Variants in ENOX2 observed in about 807,000 individuals in gnomAD.
The protein encoded by ENOX2 is APK1 antigen.
ENOX2 carries 36 observed loss-of-function variants against 45.0 expected under a neutral mutation model. The observed-to-expected ratio is 0.80, with a 90% CI of 0.61 to 1.06. The LOEUF (loss-of-function observed/expected upper bound fraction) is 1.06. Ranked by LOEUF, ENOX2 falls within the 50% of genes least tolerant of loss-of-function variation. The pLI is 0.00. For missense variants in ENOX2, 423 were observed against 462.5 expected (o/e 0.91, Z 0.78); for synonymous variants, 174 against 152.3 (o/e 1.14, Z -1.05).
intron 2 of ENOX2, among the ~76,000 whole-genome samples, chrX:130,790,930 A>G (rs945070930): frequency 1.8e-5 from 2 of 112,194 alleles, no homozygotes; most frequent in African/African-American, 6.5e-5. Flanking sequence ...TTTTACAACA[A>G]GGAATGAGAA....
At position 130,725,657 on chromosome X, in the gene ENOX2, C is replaced by T. The variant is rs145002660; in HGVS notation, c.-38-22403G>A. Among the ~76,000 whole-genome samples the T allele has an allele frequency of 8.8e-3, 972 of 110,122 alleles. 11 individuals carry two copies. The highest frequency in any genetic ancestry group is 0.03 in the African/African-American group (917 of 30,127). The stretch of plus-strand genomic sequence containing the variant: ...ATCTGCTGGGAGACTGACTGAGTTC[C>T]AAGACCTTGGTTCACGTAAGGCTGT... On this transcript the variant is annotated intron_variant, in intron 3 of 14. Coordinates refer to ENST00000394363, the MANE Select transcript of ENOX2 (RefSeq NM_006375.4).
chrX:130,846,307 ATGTGTAT>A (rs1309267337), intron 2 of ENOX2, among the ~76,000 whole-genome samples: 2 of 110,782 alleles, frequency 1.8e-5, no homozygotes, highest in Non-Finnish European at 3.8e-5. Flanking sequence ...AAGAGTGCTT[ATGTGTAT>A]TACAGAAGCA....
intron 3 of ENOX2, among the ~76,000 whole-genome samples, chrX:130,733,867 T>C (rs1414036260): frequency 8.9e-6 from 1 of 112,412 alleles, no homozygotes; most frequent in African/African-American, 3.2e-5. Context: ...GATATTATAC[T>C]ACAGTTTTGT....
chrX:130,776,925 G>A (rs903990988), intron 3 of ENOX2, among the ~76,000 whole-genome samples: 8 of 111,829 alleles, frequency 7.2e-5, no homozygotes, highest in South Asian at 3.8e-4. Context: ...TGAGAACAAA[G>A]TGCCTTCCCC....
In ENOX2 at chrX:130,667,624, G is replaced by A; in HGVS notation, c.813C>T (p.Val271=). The A allele has an allele frequency of 8.3e-7, 1 of 1,211,128 alleles. No homozygotes were observed. Among genetic ancestry groups the A allele is most frequent in the Non-Finnish European group, 1.1e-6 (1 of 894,814 alleles). ...YSMIQSANSH[V]RRLVNEKAAH... The stretch of plus-strand genomic sequence containing the variant: ...CAGCTTTCTCGTTCACCAGGCGGCG[G>A]ACATGGCTGTTGGCCGACTGGATCA... Residue 271 remains valine (V), a synonymous_variant, in exon 8 of 15, where the codon GTC becomes GTT. Transcript: ENST00000394363.
intron 3 of ENOX2, among the ~76,000 whole-genome samples, chrX:130,743,287 A>G (rs1315574194): frequency 8.9e-6 from 1 of 111,764 alleles, no homozygotes; most frequent in African/African-American, 3.3e-5. Context: ...GCCTTTCAGA[A>G]AAGTAGATAT....
At chrX:130,727,598 A>C (rs1196798053) in intron 3 of ENOX2, among the ~76,000 whole-genome samples, 1 of 112,472 alleles carries the variant, frequency 8.9e-6, no homozygotes, top group Non-Finnish European at 1.9e-5. Flanking sequence ...ACAGTCTTCA[A>C]ATGTTTGTCC....
intron 2 of ENOX2, among the ~76,000 whole-genome samples, chrX:130,852,113 CAG>C (rs2078223757): frequency 1.8e-5 from 2 of 111,974 alleles, no homozygotes; most frequent in African/African-American, 3.2e-5. Context: ...AGAAAGAAAA[CAG>C]AAGTTATTTT....
intron 2 of ENOX2, among the ~76,000 whole-genome samples, chrX:130,838,127 C>T (rs1228486275): frequency 8.9e-6 from 1 of 111,948 alleles, no homozygotes; most frequent in African/African-American, 3.2e-5. Context: ...ATGCCTGTAA[C>T]CCCAGCACTT....
At chrX:130,829,453 G>A (rs111924422) in intron 2 of ENOX2, among the ~76,000 whole-genome samples, 1 of 111,422 alleles carries the variant, frequency 9.0e-6, no homozygotes, top group Non-Finnish European at 1.9e-5. Flanking sequence ...ACCAAGGTTC[G>A]TCTGGTTCCA....
chrX:130,723,310 A>G (rs148365541), intron 3 of ENOX2, among the ~76,000 whole-genome samples: 155 of 112,267 alleles, frequency 1.4e-3, no homozygotes, highest in Non-Finnish European at 2.3e-3. Context: ...TCAGTGTTCC[A>G]GTCACTGCAC....
intron 2 of ENOX2, among the ~76,000 whole-genome samples, chrX:130,815,510 T>C (rs2077468240): frequency 1.8e-5 from 2 of 112,085 alleles, no homozygotes; most frequent in African/African-American, 6.5e-5. Flanking sequence ...AAACGTCAGG[T>C]TACCCAAAAA....
chrX:130,784,379 A>C (rs977735883), intron 2 of ENOX2, among the ~76,000 whole-genome samples: 2 of 111,249 alleles, frequency 1.8e-5, no homozygotes, highest in African/African-American at 6.5e-5. Context: ...TACATGGTTC[A>C]ATCAGGGGCA....
chrX:130,685,199 CA>C (rs1474922130), intron 5 of ENOX2, among the ~76,000 whole-genome samples: 1 of 111,112 alleles, frequency 9.0e-6, no homozygotes, highest in Non-Finnish European at 1.9e-5. Context: ...GTTCATGGAA[CA>C]GCATGAAGGT....
rs150825693 is a variant in ENOX2 at position 130,742,638 on chromosome X, A to C, written c.-38-39384T>G. Among the ~76,000 whole-genome samples, 784 of 111,861 alleles carry C rather than the reference A, an allele frequency of 7.0e-3. 2 individuals carry two copies. The highest frequency in any genetic ancestry group is 0.024 in the African/African-American group (726 of 30,780). On this transcript the variant is annotated intron_variant, in intron 3 of 14. Coordinates refer to ENST00000394363, the MANE Select transcript of ENOX2 (RefSeq NM_006375.4). ...AATGGTACCACCCTTTATTGAGTGT[A>C]TTTAAGGCACTACTGTATATAAACT...
At chrX:130,890,625 G>C (rs2078971300) in intron 2 of ENOX2, among the ~76,000 whole-genome samples, 1 of 112,674 alleles carries the variant, frequency 8.9e-6, no homozygotes, top group Non-Finnish European at 1.9e-5. Context: ...AAGCTGATTT[G>C]AACCAGAACA....
Position 130,883,404 on chromosome X carries a change from C to T in ENOX2, c.-183+18280G>A, listed in dbSNP as rs774754638. Among the ~76,000 whole-genome samples the T allele has an allele frequency of 8.1e-5, 9 of 111,632 alleles. No individual in the cohort carries two copies. The South Asian group carries it at 2.7e-3, about 33-fold the overall frequency. On this transcript the variant is annotated intron_variant, in intron 2 of 14. Transcript: ENST00000394363. ...GGGATTACAGGCGTGAGCCACTGTG[C>T]CTGGCCAAATGTTAGCTATTCTTAT...
chrX:130,846,614 G>A (rs1382442964), intron 2 of ENOX2, among the ~76,000 whole-genome samples: 1 of 112,510 alleles, frequency 8.9e-6, no homozygotes, highest in Non-Finnish European at 1.9e-5. Flanking sequence ...TGGGATTACA[G>A]GCATGAGCCA....
At chrX:130,860,676 T>C (rs2078394492) in intron 2 of ENOX2, among the ~76,000 whole-genome samples, 1 of 111,417 alleles carries the variant, frequency 9.0e-6, no homozygotes, top group Non-Finnish European at 1.9e-5. Context: ...ACCACTCCTT[T>C]CCATTGAACA....
Sources: allele counts gnomAD v4.1 joint callset (sites outside exome capture counted in the v4.1 genomes callset), GRCh38; gene constraint gnomAD v4.1.1; transcripts MANE v1.5; gene names NCBI Gene and HGNC (gene_info 2026-07-23, HGNC 2026-07-21).